CADM1: variants seen among roughly 807,000 people sequenced by gnomAD.
The protein encoded by CADM1 is cell adhesion molecule 1, also known as TSLC-1.
CADM1 carries 15 observed loss-of-function variants against 53.1 expected under a neutral mutation model. The ratio of observed to expected loss-of-function variants is 0.28; its 90% CI spans 0.19 to 0.44. The LOEUF is 0.44. Among genes scored for constraint, CADM1 ranks in the 20% least tolerant of loss-of-function variants. The probability of loss-of-function intolerance (pLI) is 1.00; values close to 1 mark genes in which losing one functional copy is unlikely to be tolerated. For synonymous variants in CADM1, 281 were observed against 243.0 expected, an observed-to-expected ratio of 1.16 and a Z score of -1.45; for missense variants, 434 against 611.3, an observed-to-expected ratio of 0.71 and a Z score of 3.06.
Position 115,205,360 on chromosome 11 carries a change from C to T in CADM1, c.1078+4214G>A, listed in dbSNP as rs116154631. ...TGGAAGACAGGGGCTAATACTATCA[C>T]AGAAATGGGTAAGTTTATGTACACC... On this transcript the variant is annotated intron_variant, in intron 8 of 11. Transcript: ENST00000331581. 6.7e-3 allele frequency among the ~76,000 whole-genome samples: 1,020 copies of T among 152,250 alleles called. 16 individuals carry two copies. The highest frequency in any genetic ancestry group is 0.022 in the African/African-American group (931 of 41,548).
intron 9 of CADM1, among the ~76,000 whole-genome samples, chr11:115,195,046 G>C (rs73572105): frequency 0.012 from 1,811 of 152,268 alleles, 40 homozygotes; most frequent in African/African-American, 0.04. Context: ...TCCTGTCCAG[G>C]CCTTAAGGAT....
intron 1 of CADM1, among the ~76,000 whole-genome samples, chr11:115,338,463 G>C (rs1415319047): frequency 6.6e-6 from 1 of 152,068 alleles, no homozygotes; most frequent in Non-Finnish European, 1.5e-5. Flanking sequence ...AAGACTTAAA[G>C]AACTAATATC....
intron 1 of CADM1, among the ~76,000 whole-genome samples, chr11:115,320,835 G>A (rs1023253106): frequency 1.5e-4 from 23 of 152,082 alleles, no homozygotes; most frequent in African/African-American, 5.6e-4. Flanking sequence ...AATATAAAAT[G>A]TGGGTTTTTC....
chr11:115,283,282 C>T (rs1471556312), intron 1 of CADM1, among the ~76,000 whole-genome samples: 2 of 152,090 alleles, frequency 1.3e-5, no homozygotes, highest in African/African-American at 2.4e-5. Context: ...ATAATTAAAT[C>T]GATGGGAGCT....
rs76195487 is a variant in CADM1 at position 115,315,817 on chromosome 11, A to G, written c.125-75397T>C. On this transcript the variant is annotated intron_variant, in intron 1 of 11. Coordinates refer to ENST00000331581, the MANE Select transcript of CADM1 (RefSeq NM_001301043.2). ...CCCACTACCTGGAGCAACACGAATT[A>G]AAAACACAATTGTTTCTTTCTTTCC... is the stretch of plus-strand genomic sequence containing the variant. Among the ~76,000 whole-genome samples the G allele has an allele frequency of 2.8e-3, 428 of 152,332 alleles. 2 individuals are homozygous for G. Among genetic ancestry groups the G allele is most frequent in the African/African-American group, 9.6e-3 (401 of 41,582 alleles).
chr11:115,355,612 T>TA (rs552073797), intron 1 of CADM1, among the ~76,000 whole-genome samples: 30 of 151,068 alleles, frequency 2.0e-4, no homozygotes, highest in Admixed American at 1.5e-3. Flanking sequence ...CCTCTGACCC[T>TA]AAAAAAAAGG....
chr11:115,376,105 T>C (rs1352995178), intron 1 of CADM1, among the ~76,000 whole-genome samples: 1 of 152,156 alleles, frequency 6.6e-6, no homozygotes, highest in African/African-American at 2.4e-5. Context: ...AATAATATCT[T>C]TGGTGTCAGT....
intron 1 of CADM1, among the ~76,000 whole-genome samples, chr11:115,502,327 C>CTTTTTT (rs11358670): frequency 4.0e-4 from 21 of 52,380 alleles, no homozygotes; most frequent in African/African-American, 1.6e-3. Context: ...CGCCCCCCGG[C>CTTTTTT]TTTTTTTTTT....
At chr11:115,484,990 TC>T (rs1243055098) in intron 1 of CADM1, among the ~76,000 whole-genome samples, 1 of 152,054 alleles carries the variant, frequency 6.6e-6, no homozygotes, top group African/African-American at 2.4e-5. Context: ...GGAATCTTGT[TC>T]CGGTGTTGCC....
chr11:115,230,361 A>G (rs922982108), intron 4 of CADM1, among the ~76,000 whole-genome samples: 1 of 152,122 alleles, frequency 6.6e-6, no homozygotes, highest in South Asian at 2.1e-4. Context: ...CCCTCTTTTC[A>G]TCTTCATAAA....
chr11:115,312,511 G>A (rs188763344), intron 1 of CADM1, among the ~76,000 whole-genome samples: 59 of 152,100 alleles, frequency 3.9e-4, no homozygotes, highest in African/African-American at 1.4e-3. Context: ...TCATACTCAG[G>A]AAAAACACCT....
At chr11:115,318,990 G>A (rs1944749195) in intron 1 of CADM1, among the ~76,000 whole-genome samples, 2 of 152,106 alleles carry the variant, frequency 1.3e-5, no homozygotes. Context: ...TAACTCACTT[G>A]ATACTCAAAA....
chr11:115,357,811 A>C (rs1045165846), intron 1 of CADM1, among the ~76,000 whole-genome samples: 1 of 152,194 alleles, frequency 6.6e-6, no homozygotes, highest in Non-Finnish European at 1.5e-5. Flanking sequence ...AACTATATTC[A>C]AACTATGTTT....
At chr11:115,201,612 A>C (rs953502764) in intron 8 of CADM1, among the ~76,000 whole-genome samples, 1 of 152,200 alleles carries the variant, frequency 6.6e-6, no homozygotes, top group African/African-American at 2.4e-5. Flanking sequence ...GCAAATACTA[A>C]ATTTCAATGT....
At chr11:115,480,922 C>T (rs1253792514) in intron 1 of CADM1, among the ~76,000 whole-genome samples, 1 of 152,080 alleles carries the variant, frequency 6.6e-6, no homozygotes, top group East Asian at 1.9e-4. Context: ...TGCCCCCACC[C>T]CTCTCAGCAA....
chr11:115,266,906 GAAA>G, intron 1 of CADM1, among the ~76,000 whole-genome samples: 1 of 152,286 alleles, frequency 6.6e-6, no homozygotes, highest in Non-Finnish European at 1.5e-5. Flanking sequence ...ACAAAACTAG[GAAA>G]TTGTTTTAAC....
intron 1 of CADM1, among the ~76,000 whole-genome samples, chr11:115,426,011 C>T (rs941525980): frequency 2.0e-5 from 3 of 152,126 alleles, no homozygotes; most frequent in East Asian, 1.9e-4. Context: ...AGGAAGGGAA[C>T]GCTCTGCGGG....
At chr11:115,312,756 A>C (rs1944564287) in intron 1 of CADM1, among the ~76,000 whole-genome samples, 1 of 152,126 alleles carries the variant, frequency 6.6e-6, no homozygotes, top group South Asian at 2.1e-4. Context: ...TCTAAATCCT[A>C]CCTTAAAAAT....
At chr11:115,338,868 A>AT (rs67757705) in intron 1 of CADM1, among the ~76,000 whole-genome samples, 24 of 114,490 alleles carry the variant, frequency 2.1e-4, no homozygotes, top group South Asian at 1.9e-3. Flanking sequence ...ACCTTCTTTT[A>AT]TTTTTTTTAT....
Sources: allele counts gnomAD v4.1 joint callset (sites outside exome capture counted in the v4.1 genomes callset), GRCh38; gene constraint gnomAD v4.1.1; transcripts MANE v1.5; gene names NCBI Gene and HGNC (gene_info 2026-07-23, HGNC 2026-07-21).